The following MAF variants were observed in gnomAD, a reference collection of about 807,000 sequenced individuals.
MAF encodes transcription factor Maf.
A neutral mutation model predicts 22.0 loss-of-function variants in MAF; 10 were observed. The observed-to-expected ratio is 0.45, with a 90% CI of 0.28 to 0.77. The LOEUF (loss-of-function observed/expected upper bound fraction) is 0.77, where lower values mean the gene tolerates loss of function less well. Ranked by LOEUF, MAF falls within the 30% of genes least tolerant of loss-of-function variation. MAF has a pLI of 0.12. For missense variants in MAF, 544 were observed against 548.4 expected (o/e 0.99, Z 0.08); for synonymous variants, 337 against 255.8 (o/e 1.32, Z -3.03).
the MAF span, among the ~76,000 whole-genome samples, chr16:79,219,352 C>A: frequency 6.6e-6 from 1 of 152,060 alleles, no homozygotes; most frequent in African/African-American, 2.4e-5. Flanking sequence ...AAACGCCTAT[C>A]TGAAATTCTG....
At chr16:79,328,705 T>C in the MAF span, among the ~76,000 whole-genome samples, 1 of 152,182 alleles carries the variant, frequency 6.6e-6, no homozygotes, top group Non-Finnish European at 1.5e-5. Flanking sequence ...ATTTTGGAAG[T>C]GAACCCAGGT....
the MAF span, among the ~76,000 whole-genome samples, chr16:79,236,139 A>G: frequency 2.0e-5 from 3 of 152,036 alleles, no homozygotes; most frequent in Non-Finnish European, 4.4e-5. Flanking sequence ...TTTACAATGC[A>G]AGCATTTGAC....
At chr16:79,511,670 T>C in the MAF span, among the ~76,000 whole-genome samples, 1 of 152,194 alleles carries the variant, frequency 6.6e-6, no homozygotes, top group Non-Finnish European at 1.5e-5. Context: ...CTGCCATTTA[T>C]TGAGTGCTCA....
the MAF span, among the ~76,000 whole-genome samples, chr16:79,532,714 G>C: frequency 6.6e-6 from 1 of 152,232 alleles, no homozygotes; most frequent in Non-Finnish European, 1.5e-5. Context: ...GTGTGCGCGT[G>C]CATGCGTGAG....
At chr16:79,369,142 C>T in the MAF span, among the ~76,000 whole-genome samples, 1 of 152,234 alleles carries the variant, frequency 6.6e-6, no homozygotes, top group African/African-American at 2.4e-5. Flanking sequence ...TCACAATCAG[C>T]TTTGCAAATG....
chr16:79,569,388 G>A, the MAF span, among the ~76,000 whole-genome samples: 1 of 152,188 alleles, frequency 6.6e-6, no homozygotes, highest in Admixed American at 6.5e-5. Context: ...GAGTTTCTCT[G>A]GATGGCAGCT....
At chr16:79,206,368 A>C in the MAF span, 1 of 152,212 alleles carries the variant, frequency 6.6e-6, no homozygotes, top group Non-Finnish European at 1.5e-5. Context: ...ACGGACACGG[A>C]GTCTGAAGTC....
chr16:79,289,236 G>A, the MAF span, among the ~76,000 whole-genome samples: 1 of 152,166 alleles, frequency 6.6e-6, no homozygotes, highest in African/African-American at 2.4e-5. Context: ...TGCTCTGGCA[G>A]CAGAGTGGCG....
the MAF span, chr16:79,505,662 A>T: frequency 6.6e-6 from 1 of 152,246 alleles, no homozygotes; most frequent in Non-Finnish European, 1.5e-5. Context: ...CCTGACGGTA[A>T]ACCAGGGCTG....
the MAF span, among the ~76,000 whole-genome samples, chr16:79,525,241 T>C: frequency 5.3e-5 from 8 of 152,308 alleles, no homozygotes; most frequent in South Asian, 2.1e-4. Context: ...TAAATAGCTA[T>C]GCACAGCTTC....
chr16:79,490,780 C>G, the MAF span, among the ~76,000 whole-genome samples: 1 of 152,044 alleles, frequency 6.6e-6, no homozygotes, highest in African/African-American at 2.4e-5. Context: ...AAACAGTGAC[C>G]ATAATGCAGT....
chr16:79,576,784 T>C, the MAF span, among the ~76,000 whole-genome samples: 1 of 152,066 alleles, frequency 6.6e-6, no homozygotes, highest in Non-Finnish European at 1.5e-5. Flanking sequence ...TTACATACAT[T>C]ATCATATTTA....
At chr16:79,325,598 AACACACACACACACACACAC>A in the MAF span, among the ~76,000 whole-genome samples, 1 of 145,628 alleles carries the variant, frequency 6.9e-6, no homozygotes, top group South Asian at 2.2e-4. Context: ...CCCAGACACA[AACACACACACACACACACAC>A]ACACACACAC....
At chr16:79,335,734 T>A in the MAF span, among the ~76,000 whole-genome samples, 432 of 152,302 alleles carry the variant, frequency 2.8e-3, 3 homozygotes, top group African/African-American at 9.9e-3. Flanking sequence ...GGGCCGGGAA[T>A]CAGGAAGCGG....
At chr16:79,377,998 C>A in the MAF span, among the ~76,000 whole-genome samples, 1 of 152,118 alleles carries the variant, frequency 6.6e-6, no homozygotes, top group African/African-American at 2.4e-5. Flanking sequence ...TTAGGATTGA[C>A]TTGGTGATGA....
the MAF span, among the ~76,000 whole-genome samples, chr16:79,285,829 C>T: frequency 6.6e-6 from 1 of 152,176 alleles, no homozygotes; most frequent in African/African-American, 2.4e-5. Flanking sequence ...GCCATTCTTT[C>T]CAGGAGCAAT....
At chr16:79,245,089 T>G in the MAF span, among the ~76,000 whole-genome samples, 2 of 151,950 alleles carry the variant, frequency 1.3e-5, no homozygotes, top group African/African-American at 4.8e-5. Context: ...AAGACTTAAA[T>G]GTAAGACCTA....
the MAF span, among the ~76,000 whole-genome samples, chr16:79,302,223 C>G: frequency 6.6e-6 from 1 of 152,222 alleles, no homozygotes; most frequent in Non-Finnish European, 1.5e-5. Flanking sequence ...CTCGAAGAGC[C>G]TCAGAATCTG....
the MAF span, among the ~76,000 whole-genome samples, chr16:79,479,565 C>T: frequency 1.8e-4 from 27 of 152,316 alleles, no homozygotes; most frequent in African/African-American, 5.5e-4. Flanking sequence ...CTGCTGACAG[C>T]GGGAATCCTT....
Sources: allele counts gnomAD v4.1 joint callset (sites outside exome capture counted in the v4.1 genomes callset), GRCh38; gene constraint gnomAD v4.1.1; transcripts MANE v1.5; gene names NCBI Gene and HGNC (gene_info 2026-07-23, HGNC 2026-07-21).